The following FSTL5 variants were observed in gnomAD, a reference collection of about 807,000 sequenced individuals.
FSTL5 encodes follistatin-related protein 5.
FSTL5 carries 62 observed loss-of-function variants against 89.1 expected under a neutral mutation model. That is an observed-to-expected ratio of 0.70 (90% CI 0.57 to 0.86). The LOEUF (loss-of-function observed/expected upper bound fraction) is 0.86, where lower values mean the gene tolerates loss of function less well. FSTL5 is among the 40% of genes least tolerant of loss of function. The probability of loss-of-function intolerance (pLI) is 0.00; values close to 1 mark genes in which losing one functional copy is unlikely to be tolerated. For synonymous variants in FSTL5, 383 were observed against 346.2 expected, an observed-to-expected ratio of 1.11 and a Z score of -1.18; for missense variants, 1,057 against 1,001.6, an observed-to-expected ratio of 1.06 and a Z score of -0.75.
At chr4:162,114,897 C>T (rs1346751450) in intron 1 of FSTL5, among the ~76,000 whole-genome samples, 1 of 152,044 alleles carries the variant, frequency 6.6e-6, no homozygotes, top group African/African-American at 2.4e-5. Flanking sequence ...ATTTCCAAGT[C>T]CCAAATTTCT....
In FSTL5 at chr4:161,643,069, A is replaced by G. The variant is rs145190411; in HGVS notation, c.894+13259T>C. 2.5e-3 allele frequency among the ~76,000 whole-genome samples: 387 copies of G among 152,312 alleles called. 3 individuals carry two copies. Among genetic ancestry groups the G allele is most frequent in the African/African-American group, 9.0e-3 (376 of 41,574 alleles). ...AGTCTTGTTCTAAATACATGAGTTA[A>G]TATTTTTTTAAATGGCAATTTACAA... On this transcript the variant is annotated intron_variant, in intron 7 of 15. Coordinates refer to ENST00000306100, the MANE Select transcript of FSTL5 (RefSeq NM_020116.5).
At chr4:161,545,465 T>C (rs539643363) in intron 8 of FSTL5, among the ~76,000 whole-genome samples, 1 of 151,926 alleles carries the variant, frequency 6.6e-6, no homozygotes, top group African/African-American at 2.4e-5. Context: ...CGTTGCTACA[T>C]TGAATCAAAT....
At chr4:161,471,283 AC>A (rs1733929678) in intron 13 of FSTL5, among the ~76,000 whole-genome samples, 1 of 152,028 alleles carries the variant, frequency 6.6e-6, no homozygotes, top group South Asian at 2.1e-4. Flanking sequence ...AAATTTTATC[AC>A]ATGCTTTTTT....
intron 4 of FSTL5, among the ~76,000 whole-genome samples, chr4:161,902,690 A>C (rs538603504): frequency 6.6e-6 from 1 of 152,182 alleles, no homozygotes; most frequent in South Asian, 2.1e-4. Context: ...TACTAAAAAT[A>C]CAAAAAAAAT....
At chr4:161,971,708 A>T (rs1735489506) in intron 3 of FSTL5, among the ~76,000 whole-genome samples, 1 of 152,202 alleles carries the variant, frequency 6.6e-6, no homozygotes, top group South Asian at 2.1e-4. Context: ...CTATCAACTG[A>T]CATAATGCAA....
chr4:161,595,997 A>G (rs529814050), intron 7 of FSTL5, among the ~76,000 whole-genome samples: 1 of 151,986 alleles, frequency 6.6e-6, no homozygotes, highest in Non-Finnish European at 1.5e-5. Flanking sequence ...TAGTGTATGC[A>G]TTTAATTTGC....
chr4:161,677,328 AAGTT>A (rs1737341525), intron 6 of FSTL5, among the ~76,000 whole-genome samples: 1 of 152,038 alleles, frequency 6.6e-6, no homozygotes, highest in Non-Finnish European at 1.5e-5. Context: ...AAAGAGAAAG[AAGTT>A]AGAAGAGTAA....
chr4:162,071,462 T>C (rs1729619707), intron 2 of FSTL5, among the ~76,000 whole-genome samples: 1 of 151,674 alleles, frequency 6.6e-6, no homozygotes, highest in South Asian at 2.1e-4. Context: ...CAAATATATA[T>C]GCACTCAATA....
chr4:161,509,298 C>A (rs1018965781), intron 11 of FSTL5, among the ~76,000 whole-genome samples: 1 of 152,112 alleles, frequency 6.6e-6, no homozygotes. Flanking sequence ...AGTGAAACTC[C>A]ATCTCAAATA....
Position 161,386,045 on chromosome 4 carries a change from G to A in FSTL5, c.2246C>T (p.Thr749Ile), listed in dbSNP as rs753554711. The A allele has an allele frequency of 3.7e-6, 6 of 1,614,056 alleles. No homozygotes were observed. The highest frequency in any genetic ancestry group is 5.1e-6 in the Non-Finnish European group (6 of 1,179,990). The change falls in exon 16 of 16, where the codon ACT becomes ATT. Residue 749 changes from threonine to isoleucine, a missense_variant. Physicochemically the swap from Thr to Ile is moderately conservative, Grantham distance 89. Transcript: ENST00000306100. Reference protein sequence around the residue: ...ISDLAFQPSFTEAHQYNIYGS... With the variant: ...ISDLAFQPSFIEAHQYNIYGS... ...GTAGATGTTATATTGGTGGGCTTCA[G>A]TAAAGGATGGTTGAAATGCCAGATC...
At chr4:161,972,520 A>C (rs1282017119) in intron 3 of FSTL5, among the ~76,000 whole-genome samples, 1 of 152,174 alleles carries the variant, frequency 6.6e-6, no homozygotes, top group Non-Finnish European at 1.5e-5. Context: ...CCCATGTGGT[A>C]AGGAACTGAG....
At chr4:161,999,023 T>C (rs1736385372) in intron 3 of FSTL5, among the ~76,000 whole-genome samples, 2 of 152,164 alleles carry the variant, frequency 1.3e-5, no homozygotes, top group Non-Finnish European at 2.9e-5. Flanking sequence ...AAGGCTTGTC[T>C]AACCTCCCCA....
At chr4:162,002,183 C>A (rs1736484781) in intron 3 of FSTL5, among the ~76,000 whole-genome samples, 1 of 151,940 alleles carries the variant, frequency 6.6e-6, no homozygotes, top group Non-Finnish European at 1.5e-5. Context: ...GTAACTAATG[C>A]GAGTATATGC....
At chr4:161,553,391 A>AAT (rs1732279437) in intron 8 of FSTL5, among the ~76,000 whole-genome samples, 1 of 151,364 alleles carries the variant, frequency 6.6e-6, no homozygotes. Flanking sequence ...AAAGGATGTA[A>AAT]ATATATATAT....
At chr4:162,031,321 T>C (rs1205949590) in intron 3 of FSTL5, among the ~76,000 whole-genome samples, 2 of 152,164 alleles carry the variant, frequency 1.3e-5, no homozygotes, top group African/African-American at 4.8e-5. Flanking sequence ...CTTCAAAGAA[T>C]TACTAGCTGA....
chr4:161,451,310 G>A (rs1308347516), intron 15 of FSTL5, among the ~76,000 whole-genome samples: 2 of 151,870 alleles, frequency 1.3e-5, no homozygotes, highest in East Asian at 3.9e-4. Context: ...GTCTTAAATG[G>A]TATTCTTAAA....
intron 3 of FSTL5, among the ~76,000 whole-genome samples, chr4:162,024,430 A>G (rs1210269042): frequency 6.6e-6 from 1 of 152,098 alleles, no homozygotes; most frequent in Non-Finnish European, 1.5e-5. Context: ...TAATATTTAA[A>G]TTAATACACA....
At chr4:161,746,187 G>C (rs1262342517) in intron 6 of FSTL5, among the ~76,000 whole-genome samples, 2 of 151,232 alleles carry the variant, frequency 1.3e-5, no homozygotes, top group Non-Finnish European at 2.9e-5. Flanking sequence ...AATTTATTTA[G>C]GTGCACCCTC....
intron 6 of FSTL5, among the ~76,000 whole-genome samples, chr4:161,673,971 T>A (rs1240055520): frequency 6.6e-6 from 1 of 151,980 alleles, no homozygotes; most frequent in Non-Finnish European, 1.5e-5. Context: ...TTTTAAGACA[T>A]AATCAAACAC....
Sources: gnomAD v4.1 joint callset for allele counts (sites outside exome capture counted in the v4.1 genomes callset) on GRCh38, gnomAD v4.1.1 for gene constraint, MANE v1.5 for transcripts, NCBI Gene and HGNC (gene_info 2026-07-23, HGNC 2026-07-21) for gene names.